The following FILIP1 variants were observed in gnomAD, a reference collection of about 807,000 sequenced individuals.
FILIP1 encodes filamin A interacting protein 1, also known as filamin-A-interacting protein 1.
A neutral mutation model predicts 102.1 loss-of-function variants in FILIP1; 61 were observed. The observed-to-expected ratio is 0.60, with a 90% CI of 0.49 to 0.74. FILIP1 has a LOEUF of 0.74. Among genes scored for constraint, FILIP1 ranks in the 30% least tolerant of loss-of-function variants. FILIP1 has a pLI of 0.00. For missense variants in FILIP1, 1,314 were observed against 1,441.2 expected (o/e 0.91, Z 1.43); for synonymous variants, 491 against 526.9 (o/e 0.93, Z 0.93).
At chr6:75,339,260 G>A (rs1474962285) in intron 4 of FILIP1, among the ~76,000 whole-genome samples, 1 of 152,148 alleles carries the variant, frequency 6.6e-6, no homozygotes, top group Non-Finnish European at 1.5e-5. Context: ...TTTTTATTGT[G>A]TGTTTCTTAA....
intron 1 of FILIP1, among the ~76,000 whole-genome samples, chr6:75,462,688 A>G (rs1779059991): frequency 6.6e-6 from 1 of 151,880 alleles, no homozygotes; most frequent in South Asian, 2.1e-4. Flanking sequence ...TCCTCTCTCT[A>G]AGCTCTAGAA....
intron 2 of FILIP1, chr6:75,385,760 T>C (rs895018322): frequency 4.6e-5 from 7 of 152,070 alleles, no homozygotes; most frequent in African/African-American, 1.7e-4. Flanking sequence ...CTACTTCCAA[T>C]AACCAATCTT....
intron 1 of FILIP1, among the ~76,000 whole-genome samples, chr6:75,418,716 G>T (rs1270289020): frequency 6.6e-6 from 1 of 152,094 alleles, no homozygotes; most frequent in African/African-American, 2.4e-5. Flanking sequence ...TTAAAAAAAG[G>T]TTCTCCCCAA....
Position 75,480,691 on chromosome 6 carries a change from A to C in FILIP1, c.-7+12723T>G, listed in dbSNP as rs138472091. 2.0e-3 allele frequency among the ~76,000 whole-genome samples: 303 copies of C among 152,352 alleles called. 3 individuals carry two copies. Among genetic ancestry groups the C allele is most frequent in the African/African-American group, 6.7e-3 (280 of 41,578 alleles). ...TAAAAGTCCTACAGCAAATACTTTT[A>C]TAGGAAGCATTCATCATCTGTTTTT... is the stretch of plus-strand genomic sequence containing the variant. On this transcript the variant is annotated intron_variant, in intron 1 of 5. Transcript: ENST00000237172.
intron 2 of FILIP1, among the ~76,000 whole-genome samples, chr6:75,377,605 G>A (rs1775788134): frequency 6.6e-6 from 1 of 152,140 alleles, no homozygotes; most frequent in African/African-American, 2.4e-5. Context: ...ACAAGACTGA[G>A]AGCACTGAAG....
chr6:75,441,993 C>T (rs1033990955), intron 1 of FILIP1, among the ~76,000 whole-genome samples: 3 of 151,452 alleles, frequency 2.0e-5, no homozygotes, highest in African/African-American at 7.3e-5. Flanking sequence ...CCTCACTTCC[C>T]AGACGGGGTG....
Position 75,314,793 on chromosome 6 carries a change from C to A in FILIP1, c.1039G>T (p.Glu347Ter), listed in dbSNP as rs1773370438. The change falls in exon 5 of 6, where the codon GAG becomes TAG. Residue 347 changes from glutamate to a stop codon, truncating the protein, a stop_gained. Coordinates refer to ENST00000237172, the MANE Select transcript of FILIP1 (RefSeq NM_015687.5). LOFTEE classifies it high-confidence loss of function. Reference sequence around the variant, plus strand: ...GCCTTCTGCAGATTTTTGTTGGTCTCTTCTAGCTCCTCGATTCTTTGGGTT... The same window carrying A: ...GCCTTCTGCAGATTTTTGTTGGTCTATTCTAGCTCCTCGATTCTTTGGGTT... Reference protein sequence around the residue: ...GLTQRIEELEETNKNLQKAEE... With the variant: ...GLTQRIEELE 1 of 1,613,964 alleles carries A rather than the reference C, an allele frequency of 6.2e-7. No individual in the cohort carries two copies. The highest frequency in any genetic ancestry group is 1.3e-5 in the African/African-American group (1 of 74,914).
At chr6:75,439,154 T>C (rs1343971861) in intron 1 of FILIP1, among the ~76,000 whole-genome samples, 1 of 152,130 alleles carries the variant, frequency 6.6e-6, no homozygotes, top group Admixed American at 6.5e-5. Flanking sequence ...CTAAAAGTTG[T>C]GAGAAAAGGA....
chr6:75,475,627 T>G (rs1779453503), intron 1 of FILIP1, among the ~76,000 whole-genome samples: 1 of 152,190 alleles, frequency 6.6e-6, no homozygotes, highest in African/African-American at 2.4e-5. Context: ...GAATTTTGTA[T>G]ACAAATCAAA....
intron 3 of FILIP1, among the ~76,000 whole-genome samples, chr6:75,362,394 G>A (rs1276593166): frequency 6.6e-6 from 1 of 152,146 alleles, no homozygotes; most frequent in Non-Finnish European, 1.5e-5. Flanking sequence ...TACCAATTTT[G>A]TAAGAATCCT....
At chr6:75,325,890 A>G (rs559972947) in intron 4 of FILIP1, among the ~76,000 whole-genome samples, 4 of 152,328 alleles carry the variant, frequency 2.6e-5, no homozygotes, top group East Asian at 3.9e-4. Flanking sequence ...CATTTGATCC[A>G]GCAATTCCAC....
In FILIP1 at chr6:75,308,807, G is replaced by C. The variant is rs1186788286; in HGVS notation, c.3526C>G (p.Pro1176Ala). Reference sequence around the variant, plus strand: ...AATTTGGTCAGATTTCCTGCTCCTGGGGCTGCCACTACTGGCTTTCCTGCT... The same window carrying C: ...AATTTGGTCAGATTTCCTGCTCCTGCGGCTGCCACTACTGGCTTTCCTGCT... The part of the protein sequence containing the change: ...MKAGKPVVAA[P>A]GAGNLTKFEP... The change falls in exon 6 of 6, where the codon CCA (proline) becomes GCA (alanine). Residue 1176 changes from proline (P) to alanine (A), a missense_variant. Pro to Ala is a conservative substitution (Grantham distance 27). Transcript: ENST00000237172. The C allele has an allele frequency of 6.2e-7, 1 of 1,614,032 alleles. No homozygotes were observed.
At chr6:75,460,960 T>C (rs1779005117) in intron 1 of FILIP1, among the ~76,000 whole-genome samples, 1 of 152,206 alleles carries the variant, frequency 6.6e-6, no homozygotes, top group South Asian at 2.1e-4. Context: ...CTTTCAAATT[T>C]TTCTGTAGCT....
Position 75,315,141 on chromosome 6 carries a change from T to C in FILIP1, c.691A>G (p.Lys231Glu). The change falls in exon 5 of 6, where the codon AAA becomes GAA. Residue 231 changes from lysine (K) to glutamate (E), a missense_variant. Physicochemically the swap from Lys to Glu is moderately conservative, Grantham distance 56. This residue lies in a region of FILIP1 where 494 missense variants were observed against 511.2 expected (regional missense o/e 0.97). Coordinates refer to ENST00000237172, the MANE Select transcript of FILIP1 (RefSeq NM_015687.5). Reference sequence around the variant, plus strand: ...TCATCTCTTAGTTTATTGAGTCGTTTAGCATTTTCCTTTTCTTTGCGGGCT... The same window carrying C: ...TCATCTCTTAGTTTATTGAGTCGTTCAGCATTTTCCTTTTCTTTGCGGGCT... Reference protein sequence around the residue: ...YQARKEKENAKRLNKLRDELV... With the variant: ...YQARKEKENAERLNKLRDELV... The C allele has an allele frequency of 6.3e-7, 1 of 1,599,100 alleles. No individual in the cohort carries two copies. The highest frequency in any genetic ancestry group is 8.5e-7 in the Non-Finnish European group (1 of 1,175,854).
downstream of FILIP1, among the ~76,000 whole-genome samples, chr6:75,304,165 T>A (rs1387456827): frequency 6.6e-6 from 1 of 152,162 alleles, no homozygotes; most frequent in Non-Finnish European, 1.5e-5. Flanking sequence ...GAGAGCATAA[T>A]CATAGTATAC....
chr6:75,406,042 G>A (rs1776833940), intron 2 of FILIP1, among the ~76,000 whole-genome samples: 1 of 152,152 alleles, frequency 6.6e-6, no homozygotes, highest in Non-Finnish European at 1.5e-5. Flanking sequence ...TGTTCCCAAT[G>A]AAATTAAAAT....
chr6:75,429,669 AAC>A (rs1777756527), intron 1 of FILIP1, among the ~76,000 whole-genome samples: 1 of 152,180 alleles, frequency 6.6e-6, no homozygotes, highest in Non-Finnish European at 1.5e-5. Context: ...TCAGGAGCAG[AAC>A]AGTGTTTGGA....
In FILIP1 at chr6:75,355,483, C is replaced by T. The variant is rs529159917; in HGVS notation, c.451-1766G>A. The stretch of plus-strand genomic sequence containing the variant: ...ACCACGACCTCTCAGCTCACTGCAA[C>T]GTCCACCTCCTGGGTTCAAGCGATT... On this transcript the variant is annotated intron_variant, in intron 3 of 5. Coordinates refer to ENST00000237172, the MANE Select transcript of FILIP1 (RefSeq NM_015687.5). 4.2e-4 allele frequency among the ~76,000 whole-genome samples: 64 copies of T among 150,626 alleles called. No homozygotes were observed. In the South Asian group the frequency reaches 7.1e-3, roughly 17 times the overall value.
intron 1 of FILIP1, among the ~76,000 whole-genome samples, chr6:75,480,243 G>A (rs1237830392): frequency 1.6e-5 from 1 of 63,144 alleles, no homozygotes; most frequent in African/African-American, 5.4e-5. Flanking sequence ...GTATAGATTT[G>A]AAATCTTTTT....
Sources: allele counts gnomAD v4.1 joint callset (sites outside exome capture counted in the v4.1 genomes callset), GRCh38; gene constraint gnomAD v4.1.1; regional missense constraint gnomAD v4.1.1; transcripts MANE v1.5; gene names NCBI Gene and HGNC (gene_info 2026-07-23, HGNC 2026-07-21).